Variants in COL25A1 observed in about 807,000 individuals in gnomAD.
The protein encoded by COL25A1 is collagen alpha-1(XXV) chain.
COL25A1 carries 103 observed loss-of-function variants against 128.4 expected under a neutral mutation model. The ratio of observed to expected loss-of-function variants is 0.80; its 90% CI spans 0.68 to 0.94. The LOEUF is 0.94. COL25A1 is among the 40% of genes least tolerant of loss of function. COL25A1 has a pLI of 0.00. For synonymous variants in COL25A1, 279 were observed against 277.2 expected (o/e 1.01, Z -0.06); for missense variants, 745 against 840.0 (o/e 0.89, Z 1.40).
chr4:109,003,512 T>C (rs1188684739), intron 6 of COL25A1, among the ~76,000 whole-genome samples: 2 of 152,168 alleles, frequency 1.3e-5, no homozygotes, highest in African/African-American at 4.8e-5. Context: ...TAGTTTGAAA[T>C]ATAAAAGGCC....
intron 3 of COL25A1, among the ~76,000 whole-genome samples, chr4:109,126,201 T>C (rs1201786155): frequency 2.0e-5 from 3 of 152,130 alleles, no homozygotes; most frequent in Admixed American, 6.6e-5. Flanking sequence ...AGCATGCAAA[T>C]GAAAAACATA....
In COL25A1 at chr4:109,173,553, A is replaced by G. The variant is rs78671511; in HGVS notation, c.368-123374T>C. 7.7e-3 allele frequency among the ~76,000 whole-genome samples: 1,170 copies of G among 152,334 alleles called. 59 individuals are homozygous for G. In the South Asian group the frequency reaches 0.14, roughly 18 times the overall value. The stretch of plus-strand genomic sequence containing the variant: ...CTCTTTTTTTAATATGAAATTGATT[A>G]CTTTTCTATGAGCTTCTCTATGAGT... On this transcript the variant is annotated intron_variant, in intron 3 of 37. Coordinates refer to ENST00000399132, the MANE Select transcript of COL25A1 (RefSeq NM_198721.4).
At chr4:109,241,218 C>G (rs1036104314) in intron 3 of COL25A1, among the ~76,000 whole-genome samples, 1 of 152,008 alleles carries the variant, frequency 6.6e-6, no homozygotes, top group Non-Finnish European at 1.5e-5. Flanking sequence ...TACAGAATCT[C>G]TAAGGTGTCT....
intron 3 of COL25A1, among the ~76,000 whole-genome samples, chr4:109,053,228 C>T (rs1270634399): frequency 6.6e-6 from 1 of 152,094 alleles, no homozygotes; most frequent in East Asian, 1.9e-4. Flanking sequence ...AGAGTTCTTG[C>T]TAACTTTCAA....
At chr4:108,981,389 A>G (rs896182314) in intron 6 of COL25A1, among the ~76,000 whole-genome samples, 6 of 152,224 alleles carry the variant, frequency 3.9e-5, no homozygotes, top group African/African-American at 1.4e-4. Flanking sequence ...TCAACTTTGC[A>G]AATAACGAAC....
At chr4:109,289,844 G>T (rs537306311) in intron 3 of COL25A1, among the ~76,000 whole-genome samples, 73 of 152,062 alleles carry the variant, frequency 4.8e-4, no homozygotes, top group African/African-American at 1.7e-3. Context: ...TCACGTTAGG[G>T]CAATGCTTGT....
intron 24 of COL25A1, among the ~76,000 whole-genome samples, chr4:108,857,226 A>C (rs1188150958): frequency 6.6e-6 from 1 of 152,120 alleles, no homozygotes; most frequent in Non-Finnish European, 1.5e-5. Context: ...ATTGCTAATA[A>C]ACTAAGTTTT....
At chr4:108,828,642 CTGTATTTCAAATGG>C (rs1732673363) in intron 32 of COL25A1, among the ~76,000 whole-genome samples, 1 of 152,176 alleles carries the variant, frequency 6.6e-6, no homozygotes, top group Non-Finnish European at 1.5e-5. Flanking sequence ...AAGAGATGTT[CTGTATTTCAAATGG>C]TGTTTTCTGC....
chr4:108,824,163 G>A lies in COL25A1; in HGVS notation c.1845+11C>T, dbSNP rs748038432. The A allele has an allele frequency of 8.1e-6, 13 of 1,613,892 alleles. No individual in the cohort carries two copies. The highest frequency in any genetic ancestry group is 1.1e-5 in the Non-Finnish European group (13 of 1,179,966). ...AATCAAACAAGGTACATGCTGGGAT[G>A]GAGAGGTCACCTTTTCTCCCTTTTC... On this transcript the variant is annotated intron_variant, in intron 35 of 37. Coordinates refer to ENST00000399132, the MANE Select transcript of COL25A1 (RefSeq NM_198721.4).
rs960140322 is a variant in COL25A1, at chr4:108,813,271, G to T, written c.*656C>A. 6.6e-6 allele frequency: 1 copy of T among 152,246 alleles called. No homozygotes were observed. Among genetic ancestry groups the T allele is most frequent in the African/African-American group, 2.4e-5 (1 of 41,444 alleles). The allele number at this position is 152,246 out of a possible 1,614,324, so 9.4% of individuals were successfully genotyped here. ...ACTCCCTCAAAATACAAGACAAATT[G>T]TGTGTGTGCTCTCCGCCACCTTATC... is the stretch of plus-strand genomic sequence containing the variant. On this transcript the variant is annotated 3_prime_UTR_variant, in exon 38 of 38. Transcript: ENST00000399132.
intron 3 of COL25A1, among the ~76,000 whole-genome samples, chr4:109,076,259 T>C (rs1763365180): frequency 6.6e-6 from 1 of 152,156 alleles, no homozygotes; most frequent in African/African-American, 2.4e-5. Context: ...GTCATATGAA[T>C]ATGATTTTTT....
chr4:108,841,095 ATCT>A (rs1734396309), intron 31 of COL25A1, among the ~76,000 whole-genome samples: 1 of 152,218 alleles, frequency 6.6e-6, no homozygotes. Context: ...GGTGGAGACC[ATCT>A]TCATCATGCA....
chr4:109,033,053 A>G (rs1759015831), intron 5 of COL25A1, among the ~76,000 whole-genome samples: 1 of 152,278 alleles, frequency 6.6e-6, no homozygotes, highest in African/African-American at 2.4e-5. Flanking sequence ...ATGGAAAGCC[A>G]GTATGAACCT....
intron 11 of COL25A1, among the ~76,000 whole-genome samples, chr4:108,922,175 AT>A (rs1365026519): frequency 1.1e-4 from 16 of 152,128 alleles, no homozygotes. Flanking sequence ...ATATTTAATC[AT>A]TTCCTCACTT....
At chr4:108,937,278 T>C (rs1747536294) in intron 11 of COL25A1, among the ~76,000 whole-genome samples, 1 of 151,916 alleles carries the variant, frequency 6.6e-6, no homozygotes, top group Non-Finnish European at 1.5e-5. Context: ...AAACAATTCA[T>C]GGGGAACTGG....
intron 5 of COL25A1, among the ~76,000 whole-genome samples, chr4:109,014,505 T>C (rs918011186): frequency 2.0e-5 from 3 of 152,240 alleles, no homozygotes; most frequent in African/African-American, 7.2e-5. Context: ...TTCCTGTCCA[T>C]CTTTAATACG....
chr4:109,050,927 T>C (rs3096484), intron 3 of COL25A1, among the ~76,000 whole-genome samples: 73,451 of 151,416 alleles, frequency 0.49, 19,357 homozygotes, highest in African/African-American at 0.67. Context: ...ACCAAGCTAG[T>C]ATGTATCAGA....
At chr4:109,032,529 CTAGT>C (rs1029712298) in intron 5 of COL25A1, among the ~76,000 whole-genome samples, 11 of 152,312 alleles carry the variant, frequency 7.2e-5, no homozygotes, top group African/African-American at 1.2e-4. Context: ...GTTGTGAAAA[CTAGT>C]TAAAGTCCTC....
chr4:109,247,333 G>A (rs1780336716), intron 3 of COL25A1, among the ~76,000 whole-genome samples: 1 of 151,894 alleles, frequency 6.6e-6, no homozygotes, highest in Non-Finnish European at 1.5e-5. Flanking sequence ...CTGGGCGACA[G>A]AGCAAGACTG....
Sources: gnomAD v4.1 joint callset for allele counts (sites outside exome capture counted in the v4.1 genomes callset) on GRCh38, gnomAD v4.1.1 for gene constraint, MANE v1.5 for transcripts, NCBI Gene and HGNC (gene_info 2026-07-23, HGNC 2026-07-21) for gene names.